Variants in ME2 observed in about 807,000 individuals in gnomAD.
ME2 encodes NAD-dependent malic enzyme, mitochondrial.
Under a neutral mutation model 73.7 loss-of-function variants are expected in ME2, and 60 were observed. That is an observed-to-expected ratio of 0.81 (90% CI 0.66 to 1.01). The LOEUF (loss-of-function observed/expected upper bound fraction) is 1.01, where lower values mean the gene tolerates loss of function less well. ME2 is among the 50% of genes least tolerant of loss of function. ME2 has a pLI of 0.00. For synonymous variants in ME2, 199 were observed against 236.9 expected (o/e 0.84, Z 1.47); for missense variants, 594 against 705.5 (o/e 0.84, Z 1.79).
chr18:50,929,881 T>C (rs1224474445), intron 12 of ME2, among the ~76,000 whole-genome samples: 3 of 152,182 alleles, frequency 2.0e-5, no homozygotes, highest in Non-Finnish European at 4.4e-5. Flanking sequence ...TTTAAGTGTT[T>C]CGAGTAGTAG....
rs1056829571 is a variant in ME2 at position 50,951,509 on chromosome 18, T to C, written c.*4325T>C. ...GCTAGCTTTATGACAGAGGTTATAA[T>C]ATTCTTTTCTCCTCTCTTCTTTGAC... On this transcript the variant is annotated 3_prime_UTR_variant, in exon 16 of 16. Coordinates refer to ENST00000321341, the MANE Select transcript of ME2 (RefSeq NM_002396.5). The C allele has an allele frequency of 2.6e-5, 4 of 151,740 alleles. No homozygotes were observed. The highest frequency in any genetic ancestry group is 5.9e-5 in the Non-Finnish European group (4 of 67,946). The allele number at this position is 151,740 out of a possible 1,614,324, so 9.4% of individuals were successfully genotyped here. A position where few individuals can be genotyped will look rare whatever the true frequency, so the allele number is the denominator to read the frequency against.
chr18:50,915,986 A>G, intron 4 of ME2, 182 bp from the exon 5 acceptor site: 1 of 515,868 alleles, frequency 1.9e-6, no homozygotes, highest in East Asian at 3.2e-5. Context: ...TGCTATGAAC[A>G]GTAATTACAG....
intron 1 of ME2, among the ~76,000 whole-genome samples, chr18:50,895,130 G>A (rs1916706452): frequency 1.3e-5 from 2 of 151,772 alleles, no homozygotes; most frequent in Non-Finnish European, 2.9e-5. Flanking sequence ...TGAGATAATT[G>A]GTAAGTAGAA....
rs1185546782 is a variant in ME2 at position 50,948,867 on chromosome 18, A to T, written c.*1683A>T. ...AATTTTTTTTTTTTTTTTTTTTGAG[A>T]CAGAGTCTCGCTTTTGTCGCCCAGT... On this transcript the variant is annotated 3_prime_UTR_variant, in exon 16 of 16. Transcript: ENST00000321341. 1 of 108,480 alleles carries T rather than the reference A, an allele frequency of 9.2e-6. No homozygotes were observed. Among genetic ancestry groups the T allele is most frequent in the Non-Finnish European group, 1.8e-5 (1 of 54,928 alleles). The allele number at this position is 108,480 out of a possible 1,614,324, so 6.7% of individuals were successfully genotyped here. A position where few individuals can be genotyped will look rare whatever the true frequency, so the allele number is the denominator to read the frequency against.
intron 15 of ME2, among the ~76,000 whole-genome samples, chr18:50,942,053 GTTTAT>G (rs1917977300): frequency 6.6e-6 from 1 of 151,878 alleles, no homozygotes; most frequent in Admixed American, 6.6e-5. Context: ...GGAATTATTT[GTTTAT>G]TTTGTGGATT....
At chr18:50,916,273 A>G (rs532072304) in intron 5 of ME2, 30 bp downstream of exon 5, 17 of 1,508,728 alleles carry the variant, frequency 1.1e-5, no homozygotes, top group Middle Eastern at 1.7e-4. Flanking sequence ...CCTTTTCACA[A>G]TGTTTTCTCT....
intron 1 of ME2, among the ~76,000 whole-genome samples, chr18:50,889,266 A>G (rs1422302961): frequency 2.6e-5 from 4 of 152,208 alleles, no homozygotes; most frequent in African/African-American, 9.6e-5. Context: ...GGTATGGCTG[A>G]TCACTAGAAA....
At chr18:50,919,636 G>A (rs554153951) in intron 7 of ME2, among the ~76,000 whole-genome samples, 123 of 151,730 alleles carry the variant, frequency 8.1e-4, no homozygotes, top group Non-Finnish European at 1.7e-3. Context: ...TCTTGTCTTC[G>A]TATCATAGTA....
intron 1 of ME2, among the ~76,000 whole-genome samples, chr18:50,889,024 G>A (rs960240835): frequency 2.0e-5 from 3 of 152,008 alleles, no homozygotes; most frequent in African/African-American, 7.3e-5. Flanking sequence ...AAACATTCCA[G>A]TTCTTCTCTT....
chr18:50,895,105 A>C (rs1243808206), intron 1 of ME2, among the ~76,000 whole-genome samples: 1 of 152,096 alleles, frequency 6.6e-6, no homozygotes, highest in African/African-American at 2.4e-5. Context: ...AAGCATTTCA[A>C]ATTCTGATTT....
intron 1 of ME2, among the ~76,000 whole-genome samples, chr18:50,882,948 T>G (rs1916359292): frequency 6.6e-6 from 1 of 152,034 alleles, no homozygotes; most frequent in Admixed American, 6.6e-5. Context: ...TTTGAGACTC[T>G]ATCTCAAAAA....
chr18:50,880,722 A>C (rs1237177661), intron 1 of ME2, among the ~76,000 whole-genome samples: 1 of 152,158 alleles, frequency 6.6e-6, no homozygotes, highest in African/African-American at 2.4e-5. Flanking sequence ...CTAGCTCCTA[A>C]TATGACTTTT....
At chr18:50,921,033 C>T (rs1289491599) in intron 9 of ME2, 41 bp from the exon 10 acceptor site, 3 of 954,170 alleles carry the variant, frequency 3.1e-6, no homozygotes, top group Non-Finnish European at 4.7e-6. Context: ...AGCATTGCAT[C>T]GTACTCTAGT....
At chr18:50,897,115 T>TG (rs1568161058) in intron 2 of ME2, among the ~76,000 whole-genome samples, 1 of 152,214 alleles carries the variant, frequency 6.6e-6, no homozygotes, top group Non-Finnish European at 1.5e-5. Context: ...CAATAGGTGT[T>TG]GCTTTGTGCT....
chr18:50,944,197 G>C (rs1918029891), intron 15 of ME2, among the ~76,000 whole-genome samples: 1 of 152,172 alleles, frequency 6.6e-6, no homozygotes, highest in Non-Finnish European at 1.5e-5. Flanking sequence ...GTGGGTGACA[G>C]AGCAAGACCC....
At chr18:50,936,918 G>A (rs1202133066) in intron 13 of ME2, among the ~76,000 whole-genome samples, 16 of 152,126 alleles carry the variant, frequency 1.1e-4, no homozygotes, top group South Asian at 8.3e-4. Context: ...GCAATAGAGC[G>A]AGACCCTGTC....
At chr18:50,929,485 C>CAA (rs57774392) in intron 12 of ME2, among the ~76,000 whole-genome samples, 1,906 of 122,950 alleles carry the variant, frequency 0.016, 17 homozygotes, top group Middle Eastern at 0.038. Context: ...AAGACTGTCT[C>CAA]AAAAAAAAAA....
At chr18:50,910,440 G>GA (rs1207940247) in intron 3 of ME2, among the ~76,000 whole-genome samples, 3,180 of 80,252 alleles carry the variant, frequency 0.04, 109 homozygotes, top group African/African-American at 0.11. Flanking sequence ...CCCTGTCTCA[G>GA]AAAAAAAAAA....
At chr18:50,936,666 C>A (rs1338462283) in intron 13 of ME2, among the ~76,000 whole-genome samples, 2 of 151,996 alleles carry the variant, frequency 1.3e-5, no homozygotes, top group African/African-American at 2.4e-5. Flanking sequence ...TGGCTCACAC[C>A]CATAATCCCA....
Sources: allele counts gnomAD v4.1 joint callset (sites outside exome capture counted in the v4.1 genomes callset), GRCh38; gene constraint gnomAD v4.1.1; transcripts MANE v1.5; gene names NCBI Gene and HGNC (gene_info 2026-07-23, HGNC 2026-07-21).